The following CDK14 variants were observed in gnomAD, a reference collection of about 807,000 sequenced individuals.
The protein encoded by CDK14 is cyclin-dependent kinase 14.
Under a neutral mutation model 60.7 loss-of-function variants are expected in CDK14, and 34 were observed. The ratio of observed to expected loss-of-function variants is 0.56; its 90% CI spans 0.43 to 0.75. The LOEUF (loss-of-function observed/expected upper bound fraction) is 0.75, where lower values mean the gene tolerates loss of function less well. Among genes scored for constraint, CDK14 ranks in the 30% least tolerant of loss-of-function variants. CDK14 has a pLI of 0.00. For synonymous variants in CDK14, 197 were observed against 203.7 expected (o/e 0.97, Z 0.28); for missense variants, 482 against 564.1 (o/e 0.85, Z 1.47).
intron 14 of CDK14, among the ~76,000 whole-genome samples, chr7:91,119,019 T>G (rs750088013): frequency 1.3e-5 from 2 of 151,898 alleles, no homozygotes; most frequent in African/African-American, 2.4e-5. Context: ...TTTTGGAAAA[T>G]TTTTAGTGTG....
chr7:90,890,912 T>G (rs553658811), intron 6 of CDK14, among the ~76,000 whole-genome samples: 91 of 152,114 alleles, frequency 6.0e-4, no homozygotes, highest in Non-Finnish European at 1.1e-3. Flanking sequence ...GAAAGGATAG[T>G]GAGTTATTTC....
intron 5 of CDK14, among the ~76,000 whole-genome samples, chr7:90,857,810 A>G (rs1202625989): frequency 2.6e-5 from 4 of 152,196 alleles, no homozygotes; most frequent in Non-Finnish European, 2.9e-5. Flanking sequence ...GAACTGTAGT[A>G]TCTGGCACCT....
At chr7:90,817,646 G>A (rs908612379) in intron 5 of CDK14, among the ~76,000 whole-genome samples, 4 of 152,170 alleles carry the variant, frequency 2.6e-5, no homozygotes, top group African/African-American at 9.7e-5. Context: ...GCAGATTGGT[G>A]GAGCTGGCTT....
chr7:91,069,805 G>C (rs900838566), intron 11 of CDK14, among the ~76,000 whole-genome samples: 9 of 151,990 alleles, frequency 5.9e-5, no homozygotes. Context: ...TTTTTTGTTT[G>C]TTGTTTGTTA....
chr7:90,701,308 A>G (rs369421935), intron 2 of CDK14, among the ~76,000 whole-genome samples: 1 of 152,334 alleles, frequency 6.6e-6, no homozygotes, highest in South Asian at 2.1e-4. Flanking sequence ...TACCACAGCA[A>G]CTTGGATGTC....
At chr7:90,983,655 G>A (rs1407764182) in intron 9 of CDK14, among the ~76,000 whole-genome samples, 1 of 150,860 alleles carries the variant, frequency 6.6e-6, no homozygotes, top group Non-Finnish European at 1.5e-5. Flanking sequence ...ACTCCAGCCT[G>A]GGGGACAGAG....
At chr7:90,665,737 C>T (rs1387755760) in intron 2 of CDK14, among the ~76,000 whole-genome samples, 1 of 152,184 alleles carries the variant, frequency 6.6e-6, no homozygotes, top group Non-Finnish European at 1.5e-5. Context: ...TTAAAAATTT[C>T]TGCATTTGCA....
chr7:91,161,215 G>T (rs974678123), intron 14 of CDK14, among the ~76,000 whole-genome samples: 7 of 151,940 alleles, frequency 4.6e-5, no homozygotes, highest in African/African-American at 1.7e-4. Flanking sequence ...TGGTGTAGAG[G>T]TAGGGAGTAG....
At chr7:90,669,640 G>A (rs1801059601) in intron 2 of CDK14, among the ~76,000 whole-genome samples, 1 of 152,182 alleles carries the variant, frequency 6.6e-6, no homozygotes, top group Admixed American at 6.5e-5. Context: ...TTAAACAGCT[G>A]GATCTAGCTG....
chr7:90,821,534 C>T (rs934906211), intron 5 of CDK14, among the ~76,000 whole-genome samples: 15 of 152,166 alleles, frequency 9.9e-5, no homozygotes, highest in African/African-American at 3.6e-4. Context: ...GAGCAACTCA[C>T]CCCATGAGAG....
intron 6 of CDK14, among the ~76,000 whole-genome samples, chr7:90,897,492 T>C (rs1156332316): frequency 6.6e-6 from 1 of 152,084 alleles, no homozygotes; most frequent in African/African-American, 2.4e-5. Context: ...CTGGATCTTA[T>C]AGTATAATGA....
At chr7:90,891,258 T>C (rs1285657306) in intron 6 of CDK14, among the ~76,000 whole-genome samples, 1 of 152,194 alleles carries the variant, frequency 6.6e-6, no homozygotes, top group Non-Finnish European at 1.5e-5. Flanking sequence ...TATAATCAGA[T>C]GGCATGTATA....
chr7:91,041,604 A>T (rs1797092630), intron 10 of CDK14, among the ~76,000 whole-genome samples: 1 of 152,254 alleles, frequency 6.6e-6, no homozygotes, highest in Non-Finnish European at 1.5e-5. Flanking sequence ...GTTTCATAAA[A>T]CAATATGTAT....
At chr7:90,792,354 G>A (rs1371068092) in intron 5 of CDK14, among the ~76,000 whole-genome samples, 1 of 151,910 alleles carries the variant, frequency 6.6e-6, no homozygotes, top group Non-Finnish European at 1.5e-5. Flanking sequence ...TGCCTATTTG[G>A]CATCTTCTCT....
chr7:91,022,492 A>G lies in CDK14; in HGVS notation c.1042-23405A>G, dbSNP rs764612880. On this transcript the variant is annotated intron_variant, in intron 10 of 14. Transcript: ENST00000380050. ...TTATTTACTTGCTTATTTCTCATGC[A>G]TTTTTTAAGTAAGGGAAATGTGCAT... Among the ~76,000 whole-genome samples the G allele has an allele frequency of 3.3e-5, 5 of 152,302 alleles. No individual in the cohort carries two copies. In the South Asian group the frequency reaches 1.0e-3, roughly 32 times the overall value.
At chr7:90,990,791 A>C (rs972735670) in intron 10 of CDK14, among the ~76,000 whole-genome samples, 2 of 152,318 alleles carry the variant, frequency 1.3e-5, no homozygotes, top group Non-Finnish European at 1.5e-5. Context: ...CAAATAGAGA[A>C]ACTCCAACAT....
intron 2 of CDK14, among the ~76,000 whole-genome samples, chr7:90,636,610 C>G (rs1270173893): frequency 6.6e-6 from 1 of 151,730 alleles, no homozygotes; most frequent in South Asian, 2.1e-4. Flanking sequence ...TTGGTTGTAT[C>G]TCTGCCCAGC....
chr7:91,090,779 G>A (rs1287576302), intron 12 of CDK14, among the ~76,000 whole-genome samples: 1 of 152,104 alleles, frequency 6.6e-6, no homozygotes, highest in Admixed American at 6.6e-5. Context: ...AATATTGAAT[G>A]TCTCTCTCTT....
chr7:90,613,588 G>T lies in CDK14; in HGVS notation c.123+9339G>T, dbSNP rs552243013. 1.3e-4 allele frequency among the ~76,000 whole-genome samples: 20 copies of T among 151,910 alleles called. No homozygotes were observed. In the South Asian group the frequency reaches 4.2e-3, roughly 32 times the overall value. ...CGTAATCCCAGCTACTTGGGAGGCCGAGGCAAGAGAATTGCTTGAACCTGG... is the reference window on the plus strand; with the variant it reads ...CGTAATCCCAGCTACTTGGGAGGCCTAGGCAAGAGAATTGCTTGAACCTGG... On this transcript the variant is annotated intron_variant, in intron 2 of 14. Coordinates refer to ENST00000380050, the MANE Select transcript of CDK14 (RefSeq NM_001287135.2).
Sources: gnomAD v4.1 joint callset for allele counts (sites outside exome capture counted in the v4.1 genomes callset) on GRCh38, gnomAD v4.1.1 for gene constraint, MANE v1.5 for transcripts, NCBI Gene and HGNC (gene_info 2026-07-23, HGNC 2026-07-21) for gene names.